SLC37A1: variants seen among roughly 807,000 people sequenced by gnomAD.
SLC37A1 encodes the protein solute carrier family 37 member 1.
A neutral mutation model predicts 75.3 loss-of-function variants in SLC37A1; 49 were observed. That is an observed-to-expected ratio of 0.65 (90% CI 0.52 to 0.83). SLC37A1 has a LOEUF of 0.83. Ranked by LOEUF, SLC37A1 falls within the 40% of genes least tolerant of loss-of-function variation. The pLI, the probability that SLC37A1 is intolerant of heterozygous loss-of-function variation, is 0.00. For synonymous variants in SLC37A1, 268 were observed against 292.1 expected (o/e 0.92, Z 0.84); for missense variants, 566 against 695.0 (o/e 0.81, Z 2.09).
chr21:42,568,340 C>T lies in SLC37A1; in HGVS notation c.1345-20C>T, dbSNP rs1293062769. On this transcript the variant is annotated intron_variant, in intron 16 of 19. Coordinates refer to ENST00000352133, the MANE Select transcript of SLC37A1 (RefSeq NM_001320537.2). ...TCATGCTGTGGCGATAACTGCACGTCTGTTTTTCCTCTCTTCTAGGGGACT... is the reference window on the plus strand; with the variant it reads ...TCATGCTGTGGCGATAACTGCACGTTTGTTTTTCCTCTCTTCTAGGGGACT... The T allele has an allele frequency of 6.2e-7, 1 of 1,606,992 alleles. No homozygotes were observed. The highest frequency in any genetic ancestry group is 8.5e-7 in the Non-Finnish European group (1 of 1,173,948).
chr21:42,508,110 G>T (rs1003726534), intron 2 of SLC37A1, among the ~76,000 whole-genome samples: 2 of 148,484 alleles, frequency 1.3e-5, no homozygotes, highest in Non-Finnish European at 3.0e-5. Context: ...TAACTGGACT[G>T]AAGAGTACGC....
upstream of SLC37A1, among the ~76,000 whole-genome samples, chr21:42,512,208 G>C (rs906341714): frequency 4.4e-5 from 5 of 113,012 alleles, no homozygotes; most frequent in Non-Finnish European, 8.3e-5. Context: ...TCAGTTATAC[G>C]TCAGTACAAC....
At chr21:42,555,912 T>C (rs1312015965) in intron 10 of SLC37A1, among the ~76,000 whole-genome samples, 1 of 151,816 alleles carries the variant, frequency 6.6e-6, no homozygotes, top group Non-Finnish European at 1.5e-5. Context: ...GGGCCTGCCA[T>C]TGCTCTTGGG....
intron 18 of SLC37A1, 135 bp from the exon 19 acceptor site, chr21:42,579,601 G>A (rs1239651835): frequency 4.1e-5 from 16 of 393,640 alleles, no homozygotes; most frequent in Non-Finnish European, 6.0e-5. Context: ...TTGCAGGGAG[G>A]CCACCCCAGG....
Position 42,545,987 on chromosome 21 carries a change from G to A in SLC37A1, c.731-1116G>A, listed in dbSNP as rs2146900928. On this transcript the variant is annotated intron_variant, in intron 8 of 19. Transcript: ENST00000352133. The surrounding 1 kb of genome is among the most constrained non-coding windows in gnomAD (Gnocchi z 4.0). ...GATGCTGGCCTCGAGGCCAGCAGGA[G>A]TGTGCTCGGCAGCTGCATGTCCCTC... Among the ~76,000 whole-genome samples the A allele has an allele frequency of 1.3e-5, 2 of 152,368 alleles. No homozygotes were observed. Among genetic ancestry groups the A allele is most frequent in the East Asian group, 1.9e-4 (1 of 5,190 alleles).
At position 42,543,522 on chromosome 21, in the gene SLC37A1, C is replaced by T; in HGVS notation, c.650C>T (p.Thr217Ile). The T allele has an allele frequency of 6.2e-7, 1 of 1,614,088 alleles. No homozygotes were observed. The highest frequency in any genetic ancestry group is 8.5e-7 in the Non-Finnish European group (1 of 1,179,968). Reference sequence around the variant, plus strand: ...TTGATCGCTGGCTACTGGGTGTCCACATGCTGGGGCCTGTCCTTCGTCGTG... The same window carrying T: ...TTGATCGCTGGCTACTGGGTGTCCATATGCTGGGGCCTGTCCTTCGTCGTG... ...GSLIAGYWVSTCWGLSFVVPG... is the reference protein window; with the variant it reads ...GSLIAGYWVSICWGLSFVVPG... The change falls in exon 8 of 20, where the codon ACA (threonine) becomes ATA (isoleucine). Residue 217 changes from threonine to isoleucine, a missense_variant. Transcript: ENST00000352133.
In SLC37A1 at chr21:42,575,785, T is replaced by C. The variant is rs1407962453; in HGVS notation, c.1521+870T>C. On this transcript the variant is annotated intron_variant, in intron 18 of 19. Coordinates refer to ENST00000352133, the MANE Select transcript of SLC37A1 (RefSeq NM_001320537.2). Reference sequence around the variant, plus strand: ...ATTCCAGGAAATTCTAAAACTCAACTTCCCCACCACATACAAAATCAAATA... The same window carrying C: ...ATTCCAGGAAATTCTAAAACTCAACCTCCCCACCACATACAAAATCAAATA... 3.0e-6 allele frequency: 3 copies of C among 985,304 alleles called. No individual in the cohort carries two copies. In the African/African-American group the frequency reaches 5.2e-5, roughly 17 times the overall value. 61.0% of individuals were successfully genotyped at this position (985,304 alleles called of 1,614,324 possible). A position where few individuals can be genotyped will look rare whatever the true frequency, so the allele number is the denominator to read the frequency against.
At chr21:42,539,697 T>C (rs763803727) in intron 6 of SLC37A1, 50 bp downstream of exon 6, 2 of 1,567,832 alleles carry the variant, frequency 1.3e-6, no homozygotes, top group East Asian at 2.3e-5. Flanking sequence ...CCTTGGTGAA[T>C]AGGGTGGAGT....
At chr21:42,562,836 C>T (rs1029117855) in intron 12 of SLC37A1, among the ~76,000 whole-genome samples, 4 of 151,816 alleles carry the variant, frequency 2.6e-5, no homozygotes, top group Non-Finnish European at 5.9e-5. Context: ...CCAGAGAGAG[C>T]GAGAGGAAGG....
chr21:42,550,131 C>A lies in SLC37A1; in HGVS notation c.768+2991C>A, dbSNP rs1361632197. Among the ~76,000 whole-genome samples, 3 of 152,144 alleles carry A rather than the reference C, an allele frequency of 2.0e-5. No individual in the cohort carries two copies. In the East Asian group the frequency reaches 5.8e-4, roughly 29 times the overall value. On this transcript the variant is annotated intron_variant, in intron 9 of 19. Coordinates refer to ENST00000352133, the MANE Select transcript of SLC37A1 (RefSeq NM_001320537.2). ...ACTATACCATTATCACACTTAAAAACCAATGGCAAAGAATAGAAAAACAGT... is the reference window on the plus strand; with the variant it reads ...ACTATACCATTATCACACTTAAAAAACAATGGCAAAGAATAGAAAAACAGT...
intron 18 of SLC37A1, among the ~76,000 whole-genome samples, chr21:42,576,557 G>T (rs1601789041): frequency 6.6e-6 from 1 of 152,144 alleles, no homozygotes; most frequent in East Asian, 1.9e-4. Flanking sequence ...CATAAAAAAT[G>T]GTGGAATTGG....
chr21:42,563,836 C>G lies in SLC37A1; in HGVS notation c.1094C>G (p.Ala365Gly). Residue 365 changes from alanine to glycine, a missense_variant, in exon 13 of 20, where the codon GCG becomes GGG. Ala to Gly is a moderately conservative substitution (Grantham distance 60). Coordinates refer to ENST00000352133, the MANE Select transcript of SLC37A1 (RefSeq NM_001320537.2). ...ATAGATCACCTTGATGCCAAAAAGG[C>G]GGGGGAGCTCTCCACCCTGTTTGAC... is the stretch of plus-strand genomic sequence containing the variant. The part of the protein sequence containing the change: ...TNVDHLDAKK[A>G]GELSTLFDVG... 6.2e-7 allele frequency: 1 copy of G among 1,614,158 alleles called. No individual in the cohort carries two copies. Among genetic ancestry groups the G allele is most frequent in the South Asian group, 1.1e-5 (1 of 91,070 alleles).
At position 42,579,719 on chromosome 21, in the gene SLC37A1, C is replaced by T; in HGVS notation, c.1522-17C>T. On this transcript the variant is annotated splice_polypyrimidine_tract_variant and intron_variant, in intron 18 of 19. Transcript: ENST00000352133. ...CCTGCTCCAGTAACAGGTGGGCTCA[C>T]CTTTGTTTTGGTGCAGTTCCTGATC... The T allele has an allele frequency of 6.2e-7, 1 of 1,614,064 alleles. No homozygotes were observed. Among genetic ancestry groups the T allele is most frequent in the African/African-American group, 1.3e-5 (1 of 75,048 alleles).
intron 7 of SLC37A1, among the ~76,000 whole-genome samples, chr21:42,542,703 G>A (rs977338357): frequency 2.6e-5 from 4 of 152,214 alleles, no homozygotes; most frequent in African/African-American, 4.8e-5. Context: ...CGTGTCACTC[G>A]GCGGCTCCTC....
rs529501488 is a variant in SLC37A1, at chr21:42,505,007, G to T, written c.-179+2590G>T. 2.6e-5 allele frequency among the ~76,000 whole-genome samples: 4 copies of T among 152,116 alleles called. No homozygotes were observed. In the South Asian group the frequency reaches 8.3e-4, roughly 32 times the overall value. On this transcript the variant is annotated intron_variant, in intron 2 of 20. Coordinates refer to the SLC37A1 transcript ENST00000398341. ...CCATCTACTTTTTTCCATTCCCACT[G>T]CTTCTTCCTTAGTCAGGACACCATC... is the stretch of plus-strand genomic sequence containing the variant.
chr21:42,557,162 C>A (rs182110080), intron 10 of SLC37A1, among the ~76,000 whole-genome samples: 5 of 152,214 alleles, frequency 3.3e-5, no homozygotes, highest in Non-Finnish European at 7.3e-5. Context: ...GGCCTCGTTC[C>A]GCTTGACTTT....
intron 12 of SLC37A1, among the ~76,000 whole-genome samples, chr21:42,562,782 C>CCTCTCAG (rs57867177): frequency 0.55 from 83,297 of 151,568 alleles, 23,780 homozygotes; most frequent in Admixed American, 0.69. Flanking sequence ...TGAGAGGAAG[C>CCTCTCAG]GGGGATGGTC....
At chr21:42,531,273 T>G (rs1041104475) in intron 3 of SLC37A1, among the ~76,000 whole-genome samples, 1 of 152,222 alleles carries the variant, frequency 6.6e-6, no homozygotes, top group Non-Finnish European at 1.5e-5. Flanking sequence ...TCTGTGTTCT[T>G]CCAGAAGATT....
intron 18 of SLC37A1, among the ~76,000 whole-genome samples, chr21:42,578,428 T>A (rs929180678): frequency 6.6e-6 from 1 of 152,212 alleles, no homozygotes; most frequent in African/African-American, 2.4e-5. Context: ...ATTCTTCATC[T>A]TTTTCTCTCT....
Sources: gnomAD v4.1 joint callset for allele counts (sites outside exome capture counted in the v4.1 genomes callset) on GRCh38, gnomAD v4.1.1 for gene constraint, Gnocchi (gnomAD v3.1) non-coding constraint, MANE v1.5 for transcripts, NCBI Gene and HGNC (gene_info 2026-07-23, HGNC 2026-07-21) for gene names.